Variants in IMMP2L observed in about 807,000 individuals in gnomAD.
IMMP2L encodes the protein inner mitochondrial membrane peptidase subunit 2, also known as mitochondrial inner membrane protease subunit 2.
A neutral mutation model predicts 19.3 loss-of-function variants in IMMP2L; 18 were observed. The ratio of observed to expected loss-of-function variants is 0.93; its 90% CI spans 0.64 to 1.38. The LOEUF (loss-of-function observed/expected upper bound fraction) is 1.38. IMMP2L is among the 40% of genes most tolerant of loss of function. The probability of loss-of-function intolerance (pLI) is 0.00; values close to 1 mark genes in which losing one functional copy is unlikely to be tolerated. For missense variants in IMMP2L, 233 were observed against 218.2 expected (o/e 1.07, Z -0.43); for synonymous variants, 76 against 73.0 (o/e 1.04, Z -0.21).
chr7:110,926,802 G>A (rs1480235652), intron 4 of IMMP2L, among the ~76,000 whole-genome samples: 1 of 151,986 alleles, frequency 6.6e-6, no homozygotes, highest in Non-Finnish European at 1.5e-5. Flanking sequence ...ATATTGGTGA[G>A]GCCATCATCT....
chr7:110,937,384 T>A lies in IMMP2L; in HGVS notation c.305+26116A>T, dbSNP rs10235659. On this transcript the variant is annotated intron_variant, in intron 4 of 5. Transcript: ENST00000405709. ...GCCACTGGGTTTATGTACACCCAGTTTGGGTGGCACAGTTTGGGGGTGAAG... is the reference window on the plus strand; with the variant it reads ...GCCACTGGGTTTATGTACACCCAGTATGGGTGGCACAGTTTGGGGGTGAAG... 9.7e-3 allele frequency among the ~76,000 whole-genome samples: 1,481 copies of A among 152,184 alleles called. 21 individuals carry two copies. The highest frequency in any genetic ancestry group is 0.033 in the African/African-American group (1,368 of 41,528).
intron 4 of IMMP2L, among the ~76,000 whole-genome samples, chr7:110,936,918 T>C (rs1461033903): frequency 1.3e-5 from 2 of 152,182 alleles, no homozygotes; most frequent in African/African-American, 2.4e-5. Flanking sequence ...TGAAGCTGGA[T>C]ACCATCATTC....
chr7:111,272,494 AC>A (rs1818572357), intron 3 of IMMP2L, among the ~76,000 whole-genome samples: 1 of 152,178 alleles, frequency 6.6e-6, no homozygotes, highest in African/African-American at 2.4e-5. Context: ...TATTTACCTC[AC>A]TAGCTAAGCT....
rs531455575 is a variant in IMMP2L, at chr7:111,511,425, G to A, written c.135+9888C>T. 5.1e-3 allele frequency among the ~76,000 whole-genome samples: 771 copies of A among 151,988 alleles called. 8 individuals carry two copies. The highest frequency in any genetic ancestry group is 0.018 in the African/African-American group (743 of 41,482). ...TTTGGGAGGCTGAAACGGGCAGATCGCTTGAGCTCAGGAGTTTGAGACCAG... is the reference window on the plus strand; with the variant it reads ...TTTGGGAGGCTGAAACGGGCAGATCACTTGAGCTCAGGAGTTTGAGACCAG... On this transcript the variant is annotated intron_variant, in intron 2 of 5. Coordinates refer to ENST00000405709, the MANE Select transcript of IMMP2L (RefSeq NM_032549.4).
At chr7:110,704,142 G>T (rs1794483225) in intron 5 of IMMP2L, among the ~76,000 whole-genome samples, 1 of 152,084 alleles carries the variant, frequency 6.6e-6, no homozygotes, top group Non-Finnish European at 1.5e-5. Flanking sequence ...AAGGCTTTAT[G>T]AGTTACTTAC....
intron 3 of IMMP2L, among the ~76,000 whole-genome samples, chr7:111,278,122 A>G (rs914880319): frequency 6.6e-6 from 1 of 152,156 alleles, no homozygotes; most frequent in Admixed American, 6.5e-5. Context: ...CCTGTTGAGT[A>G]CAATACTCAA....
In IMMP2L at chr7:110,692,026, A is replaced by T. The variant is rs547461965; in HGVS notation, c.409-28305T>A. Among the ~76,000 whole-genome samples, 58 of 152,300 alleles carry T rather than the reference A, an allele frequency of 3.8e-4. No homozygotes were observed. In the South Asian group the frequency reaches 0.011, roughly 30 times the overall value. ...GCATACAAATGTTTACCACAACACAATTCACAATTGCAAAGAAATGGAACC... is the reference window on the plus strand; with the variant it reads ...GCATACAAATGTTTACCACAACACATTTCACAATTGCAAAGAAATGGAACC... On this transcript the variant is annotated intron_variant, in intron 5 of 5. Coordinates refer to ENST00000405709, the MANE Select transcript of IMMP2L (RefSeq NM_032549.4).
At chr7:110,898,305 A>ATTTGT (rs995359024) in intron 4 of IMMP2L, among the ~76,000 whole-genome samples, 4 of 149,626 alleles carry the variant, frequency 2.7e-5, no homozygotes, top group African/African-American at 1.0e-4. Flanking sequence ...GAATCCTCCC[A>ATTTGT]TTTGTTTTTT....
chr7:111,560,123 G>C (rs954432668), intron 1 of IMMP2L, among the ~76,000 whole-genome samples: 1 of 151,956 alleles, frequency 6.6e-6, no homozygotes, highest in Non-Finnish European at 1.5e-5. Flanking sequence ...TGTATATATG[G>C]AACAAAAAGT....
chr7:111,235,874 C>T (rs1586961603), intron 3 of IMMP2L, among the ~76,000 whole-genome samples: 2 of 151,918 alleles, frequency 1.3e-5, no homozygotes, highest in African/African-American at 4.8e-5. Flanking sequence ...TTAAATTAGC[C>T]ATTATTCTCT....
chr7:111,341,669 G>C (rs1210653776), intron 3 of IMMP2L, among the ~76,000 whole-genome samples: 1 of 152,120 alleles, frequency 6.6e-6, no homozygotes, highest in African/African-American at 2.4e-5. Flanking sequence ...AGAGGATAGA[G>C]CTAGAACCAA....
At chr7:111,010,237 G>A (rs991918952) in intron 3 of IMMP2L, among the ~76,000 whole-genome samples, 4 of 152,004 alleles carry the variant, frequency 2.6e-5, no homozygotes, top group Non-Finnish European at 5.9e-5. Context: ...TCAAAGACTT[G>A]CTATTTAAAA....
intron 3 of IMMP2L, among the ~76,000 whole-genome samples, chr7:111,075,127 T>G (rs2129575754): frequency 7.4e-6 from 1 of 135,956 alleles, no homozygotes; most frequent in Non-Finnish European, 1.6e-5. Flanking sequence ...TTTTTTTTTT[T>G]TTTTTTTTTT....
chr7:111,500,617 G>T (rs1024413181), intron 2 of IMMP2L, among the ~76,000 whole-genome samples: 3 of 152,096 alleles, frequency 2.0e-5, no homozygotes, highest in African/African-American at 4.8e-5. Flanking sequence ...ACTTCCAGAG[G>T]AACAATCAGG....
At chr7:111,265,900 A>T (rs1389860611) in intron 3 of IMMP2L, among the ~76,000 whole-genome samples, 1 of 152,196 alleles carries the variant, frequency 6.6e-6, no homozygotes, top group Non-Finnish European at 1.5e-5. Context: ...TTACAGGATT[A>T]AAGTCTACAT....
At chr7:110,775,411 A>C (rs760080833) in intron 5 of IMMP2L, among the ~76,000 whole-genome samples, 29 of 151,984 alleles carry the variant, frequency 1.9e-4, no homozygotes, top group Non-Finnish European at 3.5e-4. Context: ...TTTAAATTCC[A>C]AGTAAATACT....
At chr7:110,962,621 AAGT>A (rs59042346) in intron 4 of IMMP2L, 31,306 of 512,942 alleles carry the variant, frequency 0.061, 1,584 homozygotes, top group African/African-American at 0.2. Context: ...ATTATTAGGA[AAGT>A]AGTTTTAATC....
intron 3 of IMMP2L, among the ~76,000 whole-genome samples, chr7:111,303,105 G>GT (rs142802799): frequency 0.023 from 3,521 of 152,150 alleles, 142 homozygotes; most frequent in African/African-American, 0.08. Context: ...GGACTCAAAT[G>GT]TTTAAAAACC....
chr7:110,678,714 T>C (rs376235756), intron 5 of IMMP2L, among the ~76,000 whole-genome samples: 1 of 152,118 alleles, frequency 6.6e-6, no homozygotes, highest in East Asian at 1.9e-4. Context: ...CTGAGCAGAT[T>C]CATCAAAGTT....
Sources: gnomAD v4.1 joint callset for allele counts (sites outside exome capture counted in the v4.1 genomes callset) on GRCh38, gnomAD v4.1.1 for gene constraint, MANE v1.5 for transcripts, NCBI Gene and HGNC (gene_info 2026-07-23, HGNC 2026-07-21) for gene names.